KIRREL1: variants seen among roughly 807,000 people sequenced by gnomAD.
KIRREL1 encodes kin of IRRE-like protein 1.
Under a neutral mutation model 83.3 loss-of-function variants are expected in KIRREL1, and 25 were observed. That is an observed-to-expected ratio of 0.30 (90% CI 0.22 to 0.42). KIRREL1 has a LOEUF of 0.42. KIRREL1 is among the 10% of genes least tolerant of loss of function. The probability of loss-of-function intolerance (pLI) is 1.00; values close to 1 mark genes in which losing one functional copy is unlikely to be tolerated. For missense variants in KIRREL1, 812 were observed against 1,032.3 expected (o/e 0.79, Z 2.92); for synonymous variants, 388 against 410.4 (o/e 0.95, Z 0.66).
chr1:158,045,041 A>G (rs1399147893), intron 1 of KIRREL1, among the ~76,000 whole-genome samples: 2 of 152,194 alleles, frequency 1.3e-5, no homozygotes, highest in East Asian at 1.9e-4. Flanking sequence ...TTCAGGGAGT[A>G]GGCACATTAA....
chr1:158,008,311 C>T (rs1659577328), intron 1 of KIRREL1, among the ~76,000 whole-genome samples: 1 of 152,122 alleles, frequency 6.6e-6, no homozygotes, highest in Non-Finnish European at 1.5e-5. Flanking sequence ...CCAGGGGTCT[C>T]TGCCAGAAGG....
At position 158,040,377 on chromosome 1, in the gene KIRREL1, G is replaced by A. The variant is rs1398450895; in HGVS notation, c.53-35736G>A. 2.6e-5 allele frequency among the ~76,000 whole-genome samples: 4 copies of A among 152,210 alleles called. 1 individual carries two copies. The highest frequency in any genetic ancestry group is 2.0e-4 in the Admixed American group (3 of 15,278). ...CAGAGACATGGAAAAGAAAAAAACTGTGACTTTAGAGTCAGACAGACCAGG... is the reference window on the plus strand; with the variant it reads ...CAGAGACATGGAAAAGAAAAAAACTATGACTTTAGAGTCAGACAGACCAGG... On this transcript the variant is annotated intron_variant, in intron 1 of 14. Coordinates refer to ENST00000359209, the MANE Select transcript of KIRREL1 (RefSeq NM_018240.7).
chr1:158,039,576 C>T lies in KIRREL1; in HGVS notation c.53-36537C>T, dbSNP rs182202313. ...ACTCACATTACCGTATGTCTAGAAC[C>T]TCCCACCCCACACTTACTCATCAAG... On this transcript the variant is annotated intron_variant, in intron 1 of 14. Transcript: ENST00000359209. Among the ~76,000 whole-genome samples the T allele has an allele frequency of 6.8e-3, 1,039 of 152,284 alleles. 7 individuals carry two copies. The highest frequency in any genetic ancestry group is 0.012 in the Non-Finnish European group (790 of 68,024).
At chr1:158,031,335 A>G (rs538232858) in intron 1 of KIRREL1, among the ~76,000 whole-genome samples, 64 of 150,336 alleles carry the variant, frequency 4.3e-4, no homozygotes, top group Non-Finnish European at 6.6e-4. Context: ...AAACACACAC[A>G]CGCGCGTGCA....
chr1:158,060,327 T>G lies in KIRREL1; in HGVS notation c.53-15786T>G, dbSNP rs1199645793. On this transcript the variant is annotated intron_variant, in intron 1 of 14. Coordinates refer to ENST00000359209, the MANE Select transcript of KIRREL1 (RefSeq NM_018240.7). The stretch of plus-strand genomic sequence containing the variant: ...ATCTCCCTGTCTGTAGCCACCAGGA[T>G]GAGCCAATTTCACCCATTCCCACCC... Among the ~76,000 whole-genome samples the G allele has an allele frequency of 2.6e-5, 4 of 152,224 alleles. No individual in the cohort carries two copies. The South Asian group carries it at 8.3e-4, about 32-fold the overall frequency.
At chr1:158,070,193 A>G (rs1488881050) in intron 1 of KIRREL1, among the ~76,000 whole-genome samples, 2 of 152,190 alleles carry the variant, frequency 1.3e-5, no homozygotes, top group African/African-American at 4.8e-5. Context: ...AAGGAGTGGT[A>G]GATGGCAGAA....
chr1:157,994,764 C>G (rs1387808405), intron 1 of KIRREL1, among the ~76,000 whole-genome samples: 1 of 152,090 alleles, frequency 6.6e-6, no homozygotes, highest in Non-Finnish European at 1.5e-5. Context: ...GACACTGAGA[C>G]AGACTACTCA....
chr1:158,013,444 C>T (rs1303957855), intron 1 of KIRREL1, among the ~76,000 whole-genome samples: 2 of 152,198 alleles, frequency 1.3e-5, no homozygotes, highest in South Asian at 2.1e-4. Flanking sequence ...AAAGCAGACT[C>T]CTTGTGATGC....
intron 1 of KIRREL1, among the ~76,000 whole-genome samples, chr1:158,033,951 C>A (rs1268658912): frequency 6.6e-6 from 1 of 151,074 alleles, no homozygotes; most frequent in Non-Finnish European, 1.5e-5. Flanking sequence ...TGCACTCCAG[C>A]CTGGGCAACA....
rs1570990138 is a variant in KIRREL1, at chr1:158,082,885, G to A, written c.353-1537G>A. Among the ~76,000 whole-genome samples the A allele has an allele frequency of 3.9e-5, 6 of 152,320 alleles. No homozygotes were observed. In the South Asian group the frequency reaches 1.2e-3, roughly 32 times the overall value. On this transcript the variant is annotated intron_variant, in intron 3 of 14. Coordinates refer to ENST00000359209, the MANE Select transcript of KIRREL1 (RefSeq NM_018240.7). ...GGAAGCCGAGGTGGGAGGATTGCTT[G>A]AGCCCAGGAGTTCCTTTCTCATTTA...
intron 1 of KIRREL1, among the ~76,000 whole-genome samples, chr1:158,052,317 C>G (rs1317266384): frequency 6.6e-6 from 1 of 152,140 alleles, no homozygotes; most frequent in Non-Finnish European, 1.5e-5. Flanking sequence ...CCCAACATTC[C>G]CCTTACCTGC....
At chr1:158,042,195 G>T (rs1017966978) in intron 1 of KIRREL1, among the ~76,000 whole-genome samples, 5 of 148,684 alleles carry the variant, frequency 3.4e-5, no homozygotes, top group Non-Finnish European at 7.4e-5. Flanking sequence ...TAGCTGCGTC[G>T]TGTGGGTCTT....
intron 4 of KIRREL1, among the ~76,000 whole-genome samples, 167 bp from the exon 5 acceptor site, chr1:158,086,429 C>G (rs568723576): frequency 9.3e-5 from 14 of 151,310 alleles, no homozygotes; most frequent in Admixed American, 4.6e-4. Context: ...ATTAAACACA[C>G]ACACACACAC....
At chr1:158,020,325 T>C (rs113793006) in intron 1 of KIRREL1, among the ~76,000 whole-genome samples, 8 of 152,058 alleles carry the variant, frequency 5.3e-5, no homozygotes, top group African/African-American at 1.9e-4. Context: ...AGATCTGGAT[T>C]TGCCTTCAAG....
chr1:158,040,673 A>G (rs1660599208), intron 1 of KIRREL1, among the ~76,000 whole-genome samples: 1 of 152,176 alleles, frequency 6.6e-6, no homozygotes, highest in South Asian at 2.1e-4. Flanking sequence ...TCAGGTGAAA[A>G]TGGAGGGGAA....
At chr1:158,004,910 C>T (rs1384294360) in intron 1 of KIRREL1, among the ~76,000 whole-genome samples, 1 of 152,204 alleles carries the variant, frequency 6.6e-6, no homozygotes, top group African/African-American at 2.4e-5. Flanking sequence ...TGCCACTGCA[C>T]TCCAGCCTGG....
chr1:158,043,851 G>A (rs1660705815), intron 1 of KIRREL1, among the ~76,000 whole-genome samples: 1 of 152,200 alleles, frequency 6.6e-6, no homozygotes, highest in Admixed American at 6.5e-5. Context: ...CGCCACAAAG[G>A]ACCCCATGTT....
chr1:158,015,804 G>A (rs995988996), intron 1 of KIRREL1, among the ~76,000 whole-genome samples: 3 of 152,112 alleles, frequency 2.0e-5, no homozygotes, highest in Non-Finnish European at 2.9e-5. Context: ...TAGTATATTA[G>A]TTTTACCCCA....
chr1:158,071,660 C>A (rs180972893), intron 1 of KIRREL1, among the ~76,000 whole-genome samples: 1 of 152,190 alleles, frequency 6.6e-6, no homozygotes, highest in Admixed American at 6.5e-5. Flanking sequence ...CTTCCCACCC[C>A]ACATAGAGCA....
Sources: gnomAD v4.1 joint callset for allele counts (sites outside exome capture counted in the v4.1 genomes callset) on GRCh38, gnomAD v4.1.1 for gene constraint, MANE v1.5 for transcripts, NCBI Gene and HGNC (gene_info 2026-07-23, HGNC 2026-07-21) for gene names.